NRXN1: variants seen among roughly 807,000 people sequenced by gnomAD.
NRXN1 encodes neurexin 1.
Under a neutral mutation model 150.9 loss-of-function variants are expected in NRXN1, and 39 were observed. That is an observed-to-expected ratio of 0.26 (90% CI 0.20 to 0.34). NRXN1 has a LOEUF of 0.34. NRXN1 is among the 10% of genes least tolerant of loss of function. NRXN1 has a pLI of 1.00. For synonymous variants in NRXN1, 924 were observed against 757.0 expected, an observed-to-expected ratio of 1.22 and a Z score of -3.62; for missense variants, 1,815 against 1,949.9, an observed-to-expected ratio of 0.93 and a Z score of 1.30.
At chr2:50,959,588 G>A (rs1030317203) in intron 2 of NRXN1, among the ~76,000 whole-genome samples, 9 of 151,984 alleles carry the variant, frequency 5.9e-5, no homozygotes, top group Admixed American at 6.6e-5. Flanking sequence ...GCCAGGAACT[G>A]GGGACAGTGA....
intron 21 of NRXN1, among the ~76,000 whole-genome samples, chr2:49,964,510 G>A (rs772500449): frequency 6.6e-5 from 10 of 151,818 alleles, no homozygotes; most frequent in Non-Finnish European, 1.3e-4. Context: ...AACTAGGGAG[G>A]TGGAGGTTGC....
chr2:50,832,333 A>C (rs1034002114), intron 5 of NRXN1, among the ~76,000 whole-genome samples: 1 of 152,178 alleles, frequency 6.6e-6, no homozygotes, highest in African/African-American at 2.4e-5. Context: ...CTTATGGATT[A>C]ATTGATTTGG....
At chr2:50,090,665 CAAGAT>C in intron 19 of NRXN1, among the ~76,000 whole-genome samples, 1 of 152,170 alleles carries the variant, frequency 6.6e-6, no homozygotes, top group East Asian at 1.9e-4. Context: ...TCACAATAAA[CAAGAT>C]AATTTTTATT....
intron 2 of NRXN1, among the ~76,000 whole-genome samples, chr2:50,990,000 A>T (rs13394397): frequency 4.0e-5 from 6 of 151,452 alleles, no homozygotes; most frequent in Admixed American, 6.6e-5. Context: ...TCATTTTTTT[A>T]AAAAATTAGC....
chr2:50,617,683 CTTTTA>C (rs1028922296), intron 8 of NRXN1, among the ~76,000 whole-genome samples: 1 of 152,086 alleles, frequency 6.6e-6, no homozygotes, highest in Non-Finnish European at 1.5e-5. Context: ...GTGAATCCTC[CTTTTA>C]TGAGTTTAGC....
At position 50,538,402 on chromosome 2, in the gene NRXN1, G is replaced by A; in HGVS notation, c.1994C>T (p.Thr665Ile). ...DIRQMAEVQS[T>I]AGVKPSCSKE... is the part of the protein sequence containing the mutation. ...TGAGCAGGAAGGCTTCACTCCAGCA[G>A]TACTTTGAACTTCAGCCATTTGCCG... Residue 665 changes from threonine to isoleucine, a missense_variant, in exon 10 of 23, where the codon ACT becomes ATT. By Grantham distance (89) the Thr-to-Ile change is moderately conservative (BLOSUM62 -1). This residue lies in a region of NRXN1 where 638 missense variants were observed against 652.6 expected (regional missense o/e 0.98). Transcript: ENST00000401669. The A allele has an allele frequency of 3.7e-6, 6 of 1,614,014 alleles. No homozygotes were observed. Among genetic ancestry groups the A allele is most frequent in the Non-Finnish European group, 4.2e-6 (5 of 1,179,884 alleles).
intron 17 of NRXN1, among the ~76,000 whole-genome samples, chr2:50,278,978 A>T (rs1234079108): frequency 6.6e-6 from 1 of 152,238 alleles, no homozygotes; most frequent in East Asian, 1.9e-4. Flanking sequence ...ATTATATCAC[A>T]ATCCACTCAT....
At chr2:50,249,155 T>C (rs570723262) in intron 17 of NRXN1, among the ~76,000 whole-genome samples, 3 of 116,386 alleles carry the variant, frequency 2.6e-5, no homozygotes, top group Admixed American at 8.8e-5. Context: ...AGACCCTTTC[T>C]TAAAAAAAAA....
intron 17 of NRXN1, among the ~76,000 whole-genome samples, chr2:50,377,140 T>TTTGTTATGAAGGC (rs2080569840): frequency 6.6e-6 from 1 of 152,078 alleles, no homozygotes; most frequent in Non-Finnish European, 1.5e-5. Flanking sequence ...GATGTGCAGG[T>TTTGTTATGAAGGC]TTGTTATGAA....
intron 5 of NRXN1, among the ~76,000 whole-genome samples, chr2:50,766,926 TA>T (rs1442135598): frequency 1.3e-5 from 2 of 152,130 alleles, no homozygotes; most frequent in African/African-American, 4.8e-5. Flanking sequence ...ACTTTGTTCA[TA>T]CCAACCCATT....
chr2:50,775,232 T>G (rs930342761), intron 5 of NRXN1, among the ~76,000 whole-genome samples: 1 of 152,126 alleles, frequency 6.6e-6, no homozygotes, highest in African/African-American at 2.4e-5. Context: ...CATTCCCAGT[T>G]GAATATGATT....
intron 2 of NRXN1, among the ~76,000 whole-genome samples, chr2:51,019,376 G>A (rs1360941596): frequency 3.9e-5 from 6 of 151,980 alleles, no homozygotes; most frequent in Admixed American, 2.6e-4. Flanking sequence ...CCTTTCACTC[G>A]AAAAACACTA....
intron 5 of NRXN1, among the ~76,000 whole-genome samples, chr2:50,865,121 C>T (rs1676699845): frequency 6.6e-6 from 1 of 151,834 alleles, no homozygotes; most frequent in East Asian, 2.0e-4. Context: ...CTCTGTGGTT[C>T]ACCTCCATCC....
At chr2:50,618,233 C>T (rs1429707015) in intron 8 of NRXN1, among the ~76,000 whole-genome samples, 2 of 152,074 alleles carry the variant, frequency 1.3e-5, no homozygotes, top group Non-Finnish European at 2.9e-5. Context: ...TTTCAGAAAT[C>T]TTCTAAAAAT....
chr2:50,583,903 A>G (rs920689391), intron 8 of NRXN1, among the ~76,000 whole-genome samples: 4 of 152,182 alleles, frequency 2.6e-5, no homozygotes, highest in African/African-American at 9.7e-5. Context: ...ATGTGCTTAA[A>G]ATCCCTGATT....
intron 19 of NRXN1, among the ~76,000 whole-genome samples, chr2:50,073,900 T>G (rs1696664179): frequency 6.6e-6 from 1 of 152,180 alleles, no homozygotes; most frequent in Admixed American, 6.5e-5. Context: ...TAGGCATATT[T>G]TATAGCAACT....
chr2:50,703,071 C>T (rs1693976546), intron 5 of NRXN1, among the ~76,000 whole-genome samples: 2 of 152,080 alleles, frequency 1.3e-5, no homozygotes, highest in African/African-American at 4.8e-5. Context: ...AAATGTTTTG[C>T]TCAAGCACTC....
chr2:50,350,618 G>A (rs150958560), intron 17 of NRXN1, among the ~76,000 whole-genome samples: 3 of 152,270 alleles, frequency 2.0e-5, no homozygotes, highest in Non-Finnish European at 4.4e-5. Flanking sequence ...AATGGATAAG[G>A]CTGGGACTTT....
chr2:50,853,113 T>G (rs1574710203), intron 5 of NRXN1, among the ~76,000 whole-genome samples: 1 of 152,188 alleles, frequency 6.6e-6, no homozygotes, highest in Non-Finnish European at 1.5e-5. Flanking sequence ...GGAGCAGTTC[T>G]TTGTAGAATA....
Sources: gnomAD v4.1 joint callset for allele counts (sites outside exome capture counted in the v4.1 genomes callset) on GRCh38, gnomAD v4.1.1 for gene constraint, gnomAD v4.1.1 regional missense constraint, MANE v1.5 for transcripts, NCBI Gene and HGNC (gene_info 2026-07-23, HGNC 2026-07-21) for gene names.